Variants in RSF1 observed in about 807,000 individuals in gnomAD.
The protein encoded by RSF1 is HBV pX-associated protein 8.
A neutral mutation model predicts 145.2 loss-of-function variants in RSF1; 13 were observed. The ratio of observed to expected loss-of-function variants is 0.09; its 90% CI spans 0.06 to 0.14. RSF1 has a LOEUF of 0.14. RSF1 is among the 10% of genes least tolerant of loss of function. The pLI is 1.00. For missense variants in RSF1, 1,517 were observed against 1,718.2 expected, an observed-to-expected ratio of 0.88 and a Z score of 2.07; for synonymous variants, 577 against 592.6, an observed-to-expected ratio of 0.97 and a Z score of 0.38.
intron 5 of RSF1, among the ~76,000 whole-genome samples, chr11:77,716,808 TTTAGACA>T (rs1960821223): frequency 6.6e-6 from 1 of 152,138 alleles, no homozygotes; most frequent in African/African-American, 2.4e-5. Context: ...GGTAATTAGT[TTTAGACA>T]TTCCACAATA....
At chr11:77,731,628 A>C in intron 4 of RSF1, among the ~76,000 whole-genome samples, 1 of 152,212 alleles carries the variant, frequency 6.6e-6, no homozygotes, top group East Asian at 1.9e-4. Context: ...CCCAGGGTCC[A>C]TGTGCTGTGT....
intron 1 of RSF1, among the ~76,000 whole-genome samples, chr11:77,768,082 TA>T (rs1157826855): frequency 1.3e-5 from 2 of 151,496 alleles, no homozygotes; most frequent in African/African-American, 4.9e-5. Flanking sequence ...TTATAAAAAG[TA>T]AAAAGAGGTT....
chr11:77,827,458 C>T, the RSF1 span, among the ~76,000 whole-genome samples: 2 of 152,116 alleles, frequency 1.3e-5, no homozygotes, highest in African/African-American at 4.8e-5. Flanking sequence ...TGGGATTCAT[C>T]CCAACTATGC....
At chr11:77,708,946 T>C (rs570573039) in intron 5 of RSF1, among the ~76,000 whole-genome samples, 37 of 152,208 alleles carry the variant, frequency 2.4e-4, no homozygotes, top group Non-Finnish European at 4.7e-4. Context: ...TCTACCATTG[T>C]AGTGAAAAAG....
intron 1 of RSF1, among the ~76,000 whole-genome samples, chr11:77,777,118 G>A (rs1590880537): frequency 1.3e-5 from 2 of 151,830 alleles, no homozygotes; most frequent in African/African-American, 4.8e-5. Flanking sequence ...TTCTCCAATG[G>A]ATCATTTTAA....
rs7118594 is a variant in RSF1 at position 77,787,852 on chromosome 11, G to T, written c.188-23163C>A. On this transcript the variant is annotated intron_variant, in intron 1 of 15. Coordinates refer to ENST00000308488, the MANE Select transcript of RSF1 (RefSeq NM_016578.4). ...GAACAGTAAAAAAAAAAAAAAGTTCGAGTGCTGTGACTCACACCTGTAATC... is the reference window on the plus strand; with the variant it reads ...GAACAGTAAAAAAAAAAAAAAGTTCTAGTGCTGTGACTCACACCTGTAATC... Among the ~76,000 whole-genome samples, 271 of 117,430 alleles carry T rather than the reference G, an allele frequency of 2.3e-3. 3 individuals carry two copies. The highest frequency in any genetic ancestry group is 1.0e-2 in the African/African-American group (263 of 26,404). The allele number at this position is 117,430 out of a possible 152,430, so 77.0% of individuals were successfully genotyped here.
At chr11:77,771,076 A>T (rs1050213094) in intron 1 of RSF1, among the ~76,000 whole-genome samples, 9 of 152,194 alleles carry the variant, frequency 5.9e-5, no homozygotes, top group Non-Finnish European at 1.2e-4. Context: ...TTTAACGATC[A>T]TAGAGAGGAA....
intron 5 of RSF1, among the ~76,000 whole-genome samples, chr11:77,720,965 T>A (rs964029949): frequency 6.6e-6 from 1 of 152,208 alleles, no homozygotes; most frequent in Non-Finnish European, 1.5e-5. Flanking sequence ...CTTATTGCCA[T>A]TTTCCATTTT....
intron 8 of RSF1, chr11:77,691,669 G>A (rs1034288354): frequency 6.5e-6 from 1 of 153,964 alleles, no homozygotes; most frequent in Admixed American, 6.5e-5. Context: ...GAGTGCTGTG[G>A]TATTTACAAC....
At chr11:77,771,635 A>G (rs571104538) in intron 1 of RSF1, among the ~76,000 whole-genome samples, 1 of 152,356 alleles carries the variant, frequency 6.6e-6, no homozygotes, top group Admixed American at 6.5e-5. Context: ...TGTTTGAAAT[A>G]ATCTAGGCGG....
At chr11:77,801,591 C>G (rs1171498058) in intron 1 of RSF1, among the ~76,000 whole-genome samples, 1 of 152,112 alleles carries the variant, frequency 6.6e-6, no homozygotes, top group African/African-American at 2.4e-5. Context: ...AAATTCCTTG[C>G]AATTTCCTGA....
chr11:77,868,778 A>AGT, the RSF1 span: 1 of 238,222 alleles, frequency 4.2e-6, no homozygotes, highest in South Asian at 7.7e-5. Flanking sequence ...GTTCTTACAC[A>AGT]GTGTGCTTCT....
the RSF1 span, among the ~76,000 whole-genome samples, chr11:77,866,113 A>C: frequency 6.6e-6 from 1 of 152,252 alleles, no homozygotes; most frequent in Non-Finnish European, 1.5e-5. Context: ...TAATTTTGGC[A>C]GAAGGAAATA....
the RSF1 span, among the ~76,000 whole-genome samples, chr11:77,835,924 AT>A: frequency 5.3e-5 from 8 of 152,070 alleles, no homozygotes; most frequent in African/African-American, 1.2e-4. Context: ...GAAAAAAAAA[AT>A]AATAATAAAA....
chr11:77,710,539 T>C (rs186385029), intron 5 of RSF1, among the ~76,000 whole-genome samples: 3 of 152,346 alleles, frequency 2.0e-5, no homozygotes, highest in Non-Finnish European at 4.4e-5. Flanking sequence ...TACATTCCCA[T>C]GTTCCTCTGT....
chr11:77,815,510 C>T (rs991788222), intron 1 of RSF1, among the ~76,000 whole-genome samples: 2 of 152,114 alleles, frequency 1.3e-5, no homozygotes, highest in African/African-American at 2.4e-5. Flanking sequence ...TTAACATGTA[C>T]TTTAGGCCTG....
At chr11:77,671,138 AATAT>A (rs1225103987) in intron 15 of RSF1, among the ~76,000 whole-genome samples, 1,195 of 21,772 alleles carry the variant, frequency 0.055, 47 homozygotes, top group South Asian at 0.076. Flanking sequence ...AAAAAAAAAA[AATAT>A]ATATATATAT....
Position 77,745,509 on chromosome 11 carries a change from A to ATTT in RSF1, c.372+1524_372+1526dup, listed in dbSNP as rs111700788. On this transcript the variant is annotated intron_variant, in intron 3 of 15. Coordinates refer to ENST00000308488, the MANE Select transcript of RSF1 (RefSeq NM_016578.4). The stretch of plus-strand genomic sequence containing the variant: ...CAAGAGTTTTAAAATTTCCTTTTGG[A>ATTT]TTTTTTTTTAACATGTTGGTTATTC... Among the ~76,000 whole-genome samples the ATTT allele has an allele frequency of 1.9e-3, 290 of 150,056 alleles. 2 individuals are homozygous for ATTT. The highest frequency in any genetic ancestry group is 6.9e-3 in the Middle Eastern group (2 of 290).
intron 5 of RSF1, among the ~76,000 whole-genome samples, chr11:77,704,912 C>T (rs1459941083): frequency 5.9e-5 from 9 of 152,068 alleles, no homozygotes; most frequent in African/African-American, 1.9e-4. Flanking sequence ...CCACTACGCC[C>T]GGCTAATTTT....
Sources: allele counts gnomAD v4.1 joint callset (sites outside exome capture counted in the v4.1 genomes callset), GRCh38; gene constraint gnomAD v4.1.1; transcripts MANE v1.5; gene names NCBI Gene and HGNC (gene_info 2026-07-23, HGNC 2026-07-21).